The following DRC11L variants were observed in gnomAD, a reference collection of about 807,000 sequenced individuals.
The protein encoded by DRC11L is dynein regulatory complex subunit 11 like, also known as dynein regulatory complex subunit like-11.
the DRC11L span, among the ~76,000 whole-genome samples, chr7:151,194,973 G>C: frequency 6.6e-6 from 1 of 152,286 alleles, no homozygotes; most frequent in South Asian, 2.1e-4. Context: ...GAGTGCTCCT[G>C]GGAGAGACAG....
the DRC11L span, chr7:151,195,285 G>A: frequency 2.5e-6 from 1 of 397,254 alleles, no homozygotes; most frequent in South Asian, 1.4e-4. Context: ...CAGGTACTTG[G>A]TGAACGAGGC....
the DRC11L span, among the ~76,000 whole-genome samples, chr7:151,201,496 C>T: frequency 6.6e-6 from 1 of 152,226 alleles, no homozygotes; most frequent in Non-Finnish European, 1.5e-5. This position sits in a 1 kb window ranked among gnomAD's most constrained non-coding sequence, Gnocchi z 4.1. Flanking sequence ...CAGACATTGA[C>T]ACAGTCATCC....
chr7:151,199,683 G>T, the DRC11L span, among the ~76,000 whole-genome samples: 2 of 151,970 alleles, frequency 1.3e-5, no homozygotes, highest in South Asian at 2.1e-4. The surrounding 1 kb of genome is among the most constrained non-coding windows in gnomAD (Gnocchi z 5.2). Flanking sequence ...ACCTGGGAAG[G>T]CTCCCTTCCC....
the DRC11L span, chr7:151,193,286 C>T: frequency 1.0e-5 from 4 of 399,362 alleles, no homozygotes; most frequent in African/African-American, 2.1e-5. Flanking sequence ...CTGGGGGCTC[C>T]GGACCTTAAA....
At chr7:151,203,038 G>A in the DRC11L span, 42 of 399,622 alleles carry the variant, frequency 1.1e-4, no homozygotes, top group African/African-American at 3.1e-4. Context: ...GCCTTGCCTC[G>A]CCCGCTCTGC....
chr7:151,192,227 G>T, the DRC11L span: 1 of 399,014 alleles, frequency 2.5e-6, no homozygotes, highest in Non-Finnish European at 4.4e-6. Flanking sequence ...GGGGCGGGAG[G>T]TGGGCAGGCT....
the DRC11L span, chr7:151,197,337 A>G: frequency 2.8e-5 from 11 of 398,730 alleles, no homozygotes; most frequent in African/African-American, 1.9e-4. Context: ...CCTGTGACCA[A>G]TGACCCAAGA....
At chr7:151,205,417 G>C in the DRC11L span, 1 of 399,232 alleles carries the variant, frequency 2.5e-6, no homozygotes, top group African/African-American at 2.1e-5. Context: ...CTCTGCCCTG[G>C]GAGCCCCACT....
At chr7:151,204,352 C>G in the DRC11L span, among the ~76,000 whole-genome samples, 2 of 152,168 alleles carry the variant, frequency 1.3e-5, no homozygotes, top group Non-Finnish European at 2.9e-5. Flanking sequence ...CGTGGGGTGG[C>G]GGGTAGGCAG....
At chr7:151,194,302 CAG>C in the DRC11L span, 1 of 399,156 alleles carries the variant, frequency 2.5e-6, no homozygotes, top group Non-Finnish European at 4.4e-6. Flanking sequence ...GTATGTCAAA[CAG>C]GGATGGCATG....
chr7:151,200,008 G>A, the DRC11L span, among the ~76,000 whole-genome samples: 1 of 152,244 alleles, frequency 6.6e-6, no homozygotes, highest in African/African-American at 2.4e-5. Flanking sequence ...TCTCCCCGTG[G>A]CTGCCAGAGG....
chr7:151,197,217 CT>C, the DRC11L span: 2 of 399,600 alleles, frequency 5.0e-6, no homozygotes, highest in African/African-American at 2.1e-5. Flanking sequence ...CCTTCTTGGC[CT>C]TTTCTTCCTT....
the DRC11L span, chr7:151,193,356 C>T: frequency 4.1e-4 from 163 of 399,692 alleles, no homozygotes; most frequent in Middle Eastern, 1.3e-3. Context: ...AGCAGGTTTT[C>T]CGGCGACAGG....
chr7:151,202,966 C>G, the DRC11L span: 30 of 399,824 alleles, frequency 7.5e-5, no homozygotes, highest in African/African-American at 5.7e-4. Context: ...TCCATCCTCC[C>G]GAATCCTCCC....
chr7:151,194,183 T>C, the DRC11L span: 2,773 of 396,812 alleles, frequency 7.0e-3, 68 homozygotes, highest in African/African-American at 0.052. Context: ...TCAGCCACCC[T>C]ACCCTGACCC....
the DRC11L span, among the ~76,000 whole-genome samples, chr7:151,199,203 C>T: frequency 6.6e-6 from 1 of 152,144 alleles, no homozygotes. This position sits in a 1 kb window ranked among gnomAD's most constrained non-coding sequence, Gnocchi z 5.2. Flanking sequence ...GAGCCGAATT[C>T]GTCTGTGTAA....
chr7:151,196,952 C>T, the DRC11L span: 11 of 399,096 alleles, frequency 2.8e-5, no homozygotes, highest in African/African-American at 2.3e-4. Flanking sequence ...CACAGACACT[C>T]TTCCCCAGCC....
chr7:151,191,950 C>T, the DRC11L span: 19 of 398,798 alleles, frequency 4.8e-5, no homozygotes, highest in Non-Finnish European at 7.5e-5. Flanking sequence ...CCTGAGCAGC[C>T]CCCGCCTGGA....
the DRC11L span, among the ~76,000 whole-genome samples, chr7:151,200,770 T>C: frequency 1.3e-5 from 2 of 152,142 alleles, no homozygotes; most frequent in Non-Finnish European, 2.9e-5. Flanking sequence ...CTACACCCCC[T>C]CCTCAGAATC....
Sources: allele counts gnomAD v4.1 joint callset (sites outside exome capture counted in the v4.1 genomes callset), GRCh38; gene constraint gnomAD v4.1.1; non-coding constraint Gnocchi (gnomAD v3.1); transcripts MANE v1.5; gene names NCBI Gene and HGNC (gene_info 2026-07-23, HGNC 2026-07-21).